SMAP1: variants seen among roughly 807,000 people sequenced by gnomAD.
SMAP1 encodes stromal membrane-associated protein 1.
A neutral mutation model predicts 58.5 loss-of-function variants in SMAP1; 24 were observed. That is an observed-to-expected ratio of 0.41 (90% CI 0.30 to 0.58). The LOEUF (loss-of-function observed/expected upper bound fraction) is 0.58, where lower values mean the gene tolerates loss of function less well. Among genes scored for constraint, SMAP1 ranks in the 20% least tolerant of loss-of-function variants. The pLI, the probability that SMAP1 is intolerant of heterozygous loss-of-function variation, is 0.29. For synonymous variants in SMAP1, 216 were observed against 196.6 expected (o/e 1.10, Z -0.82); for missense variants, 563 against 566.3 (o/e 0.99, Z 0.06).
intron 1 of SMAP1, among the ~76,000 whole-genome samples, chr6:70,705,960 G>GA (rs1767822157): frequency 6.6e-6 from 1 of 152,124 alleles, no homozygotes; most frequent in African/African-American, 2.4e-5. Flanking sequence ...ACTACTTCAT[G>GA]AACTCAGAGT....
intron 2 of SMAP1, among the ~76,000 whole-genome samples, chr6:70,749,598 TA>T (rs1394753110): frequency 6.7e-6 from 1 of 150,196 alleles, no homozygotes. Flanking sequence ...TTACCTCATT[TA>T]AAAAAAAAAC....
intron 9 of SMAP1, 100 bp from the exon 10 acceptor site, chr6:70,857,822 G>A: frequency 7.7e-7 from 1 of 1,306,096 alleles, no homozygotes; most frequent in Non-Finnish European, 1.1e-6. Context: ...TAAAATGTTT[G>A]CTGTGAGTAG....
At chr6:70,770,290 T>C (rs1269296648) in intron 3 of SMAP1, among the ~76,000 whole-genome samples, 1 of 152,114 alleles carries the variant, frequency 6.6e-6, no homozygotes, top group Non-Finnish European at 1.5e-5. Flanking sequence ...ATCTGAATGT[T>C]GGCCTTCCTT....
At chr6:70,717,802 C>T (rs1161743675) in intron 1 of SMAP1, among the ~76,000 whole-genome samples, 3 of 152,200 alleles carry the variant, frequency 2.0e-5, no homozygotes, top group Non-Finnish European at 4.4e-5. Context: ...TTACATTTTA[C>T]TAGCATGGCA....
At chr6:70,732,158 C>A (rs1765456027) in intron 1 of SMAP1, among the ~76,000 whole-genome samples, 1 of 151,904 alleles carries the variant, frequency 6.6e-6, no homozygotes, top group Admixed American at 6.6e-5. Context: ...GGGGAAGTTT[C>A]TAGGAAAGCA....
At chr6:70,843,158 C>T (rs886264411) in intron 7 of SMAP1, among the ~76,000 whole-genome samples, 1 of 150,748 alleles carries the variant, frequency 6.6e-6, no homozygotes, top group Non-Finnish European at 1.5e-5. Context: ...ACACACTCCC[C>T]CCCCCCTTTT....
At chr6:70,689,865 A>G (rs1767085706) in intron 1 of SMAP1, among the ~76,000 whole-genome samples, 1 of 152,190 alleles carries the variant, frequency 6.6e-6, no homozygotes, top group African/African-American at 2.4e-5. Flanking sequence ...TCTGATTATT[A>G]CTAGTATATA....
intron 1 of SMAP1, among the ~76,000 whole-genome samples, chr6:70,678,246 T>C (rs937843251): frequency 6.6e-6 from 1 of 152,240 alleles, no homozygotes; most frequent in Non-Finnish European, 1.5e-5. Context: ...AAGTGATTGA[T>C]GGTAGACCTT....
At position 70,820,141 on chromosome 6, in the gene SMAP1, A is replaced by G. The variant is rs140619160; in HGVS notation, c.577-16800A>G. 2.3e-3 allele frequency among the ~76,000 whole-genome samples: 353 copies of G among 152,326 alleles called. 1 individual carries two copies. The highest frequency in any genetic ancestry group is 6.8e-3 in the Middle Eastern group (2 of 294). On this transcript the variant is annotated intron_variant, in intron 6 of 10. Transcript: ENST00000370455. ...AAGGTTCTGGAGCCATATATTGATG[A>G]CAGAATGTTATAAGCAAAAATATAA...
intron 4 of SMAP1, among the ~76,000 whole-genome samples, 179 bp from the exon 5 acceptor site, chr6:70,791,510 A>C (rs1048198001): frequency 1.1e-4 from 16 of 152,310 alleles, no homozygotes; most frequent in Non-Finnish European, 1.9e-4. Context: ...TATAAATTTC[A>C]AATTGAAATT....
intron 7 of SMAP1, among the ~76,000 whole-genome samples, chr6:70,844,880 C>T (rs950761922): frequency 3.3e-5 from 5 of 152,094 alleles, no homozygotes; most frequent in Non-Finnish European, 4.4e-5. Context: ...CTTTGATCAA[C>T]GTGAAAATTT....
chr6:70,807,807 C>T (rs1404069313), intron 6 of SMAP1, among the ~76,000 whole-genome samples: 1 of 152,068 alleles, frequency 6.6e-6, no homozygotes, highest in Non-Finnish European at 1.5e-5. Context: ...TAGAACAGTG[C>T]TGGAGTTGTG....
intron 1 of SMAP1, among the ~76,000 whole-genome samples, chr6:70,678,978 G>T (rs1462352104): frequency 6.6e-6 from 1 of 151,838 alleles, no homozygotes; most frequent in Non-Finnish European, 1.5e-5. Context: ...GCCTAACAAA[G>T]TGGATTTGTG....
At chr6:70,853,162 G>A (rs1771253080) in intron 8 of SMAP1, among the ~76,000 whole-genome samples, 1 of 151,562 alleles carries the variant, frequency 6.6e-6, no homozygotes, top group South Asian at 2.1e-4. Context: ...CAAAATGAAG[G>A]TAAATTATGT....
At chr6:70,830,639 T>C (rs942640906) in intron 6 of SMAP1, among the ~76,000 whole-genome samples, 1 of 152,228 alleles carries the variant, frequency 6.6e-6, no homozygotes, top group Non-Finnish European at 1.5e-5. Flanking sequence ...CTTCTTATGT[T>C]ATAGGCAAAC....
At chr6:70,795,780 C>G (rs1377320829) in intron 5 of SMAP1, among the ~76,000 whole-genome samples, 1 of 151,564 alleles carries the variant, frequency 6.6e-6, no homozygotes, top group Non-Finnish European at 1.5e-5. Context: ...TCTTGTTGCC[C>G]AGGCTGGAGT....
At position 70,860,113 on chromosome 6, in the gene SMAP1, T is replaced by G. The variant is rs777832095; in HGVS notation, c.1270-87T>G. The G allele has an allele frequency of 2.4e-5, 35 of 1,447,910 alleles. No individual in the cohort carries two copies. In the Middle Eastern group the frequency reaches 1.1e-3, roughly 46 times the overall value. The allele number at this position is 1,447,910 out of a possible 1,614,324, so 89.7% of individuals were successfully genotyped here. A position where few individuals can be genotyped will look rare whatever the true frequency, so the allele number is the denominator to read the frequency against. On this transcript the variant is annotated intron_variant, in intron 10 of 10. Coordinates refer to ENST00000370455, the MANE Select transcript of SMAP1 (RefSeq NM_001044305.3). ...GTGCTTGGACTAGTTGTCACATTAA[T>G]GAAAAAATGACCAACTGTGTGGCTA...
At chr6:70,747,063 G>A (rs548044182) in intron 2 of SMAP1, among the ~76,000 whole-genome samples, 1 of 152,208 alleles carries the variant, frequency 6.6e-6, no homozygotes, top group East Asian at 1.9e-4. Context: ...TCACTTTCCT[G>A]CTTTGTGTGA....
chr6:70,697,465 C>T (rs1767451932), intron 1 of SMAP1, among the ~76,000 whole-genome samples: 1 of 152,028 alleles, frequency 6.6e-6, no homozygotes, highest in East Asian at 1.9e-4. Flanking sequence ...ACCACCACAC[C>T]CAGCTAATTT....
Sources: allele counts gnomAD v4.1 joint callset (sites outside exome capture counted in the v4.1 genomes callset), GRCh38; gene constraint gnomAD v4.1.1; transcripts MANE v1.5; gene names NCBI Gene and HGNC (gene_info 2026-07-23, HGNC 2026-07-21).